The following RP1 variants were observed in gnomAD, a reference collection of about 807,000 sequenced individuals.
The protein encoded by RP1 is RP1 axonemal microtubule associated, also known as oxygen-regulated protein 1.
In RP1, 16 loss-of-function variants were observed where a neutral mutation model predicts 14.8. That is an observed-to-expected ratio of 1.08 (90% confidence interval 0.73 to 1.65). RP1 has a LOEUF of 1.65. Among genes scored for constraint, RP1 ranks in the 40% most tolerant of loss-of-function variants. RP1 has a pLI of 0.00. For synonymous variants in RP1, 876 were observed against 883.6 expected (o/e 0.99, Z 0.15); for missense variants, 2,631 against 2,535.0 (o/e 1.04, Z -0.81).
chr8:54,592,266 G>A (rs1033635194), intron 1 of RP1, among the ~76,000 whole-genome samples: 6 of 152,232 alleles, frequency 3.9e-5, no homozygotes, highest in African/African-American at 1.4e-4. Flanking sequence ...ACAGGTACTT[G>A]TGCAATTTGG....
At chr8:54,587,443 A>AG (rs1491452278) in intron 1 of RP1, among the ~76,000 whole-genome samples, 1 of 145,034 alleles carries the variant, frequency 6.9e-6, no homozygotes, top group Admixed American at 6.9e-5. Flanking sequence ...AAAAAAAAAA[A>AG]GAGAGAGAGA....
intron 1 of RP1, among the ~76,000 whole-genome samples, chr8:54,618,837 T>C (rs980573153): frequency 1.3e-5 from 2 of 152,148 alleles, no homozygotes; most frequent in African/African-American, 4.8e-5. Context: ...ATTTTTGTAT[T>C]TTTAGTAGAG....
intron 1 of RP1, among the ~76,000 whole-genome samples, chr8:54,570,383 C>T (rs535308128): frequency 6.6e-5 from 10 of 150,674 alleles, no homozygotes; most frequent in Admixed American, 1.3e-4. Context: ...GGCTGGAGTG[C>T]AGTGGTGTGA....
At chr8:54,751,125 C>T (rs867487272) in intron 19 of RP1, among the ~76,000 whole-genome samples, 28 of 152,318 alleles carry the variant, frequency 1.8e-4, no homozygotes, top group Admixed American at 2.6e-4. Flanking sequence ...ACTAACCCAC[C>T]GGAAGGAACC....
chr8:54,565,616 G>C (rs1236412929), intron 1 of RP1, among the ~76,000 whole-genome samples: 1 of 152,128 alleles, frequency 6.6e-6, no homozygotes, highest in East Asian at 1.9e-4. Context: ...GGCATGATGA[G>C]AGAAAATCCA....
At chr8:54,696,904 C>T (rs1225917213) in intron 12 of RP1, 22 of 802,480 alleles carry the variant, frequency 2.7e-5, no homozygotes, top group Non-Finnish European at 3.7e-5. Flanking sequence ...TTCTGACAGA[C>T]AACACAGTGA....
At chr8:54,656,042 G>A (rs768005218) in intron 5 of RP1, 1 of 1,404,054 alleles carries the variant, frequency 7.1e-7, no homozygotes, top group South Asian at 1.4e-5. Flanking sequence ...CTTTGATAAA[G>A]CATTCCTACA....
Position 54,626,388 on chromosome 8 carries a change from C to T in RP1, c.2506C>T (p.Pro836Ser). The T allele has an allele frequency of 1.9e-6, 3 of 1,613,218 alleles. No individual in the cohort carries two copies. Among genetic ancestry groups the T allele is most frequent in the Non-Finnish European group, 2.5e-6 (3 of 1,179,802 alleles). The change falls in exon 4 of 4, where the codon CCG (proline) becomes TCG (serine). Residue 836 changes from proline (P) to serine (S), a missense_variant. Coordinates refer to ENST00000220676, the MANE Select transcript of RP1 (RefSeq NM_006269.2). ...LEQKPKDFYA[P>S]QSQAEVASGY... is the part of the protein sequence containing the mutation. ...GCAAAAACCCAAAGATTTTTATGCA[C>T]CGCAATCTCAAGCAGAAGTGGCATC...
chr8:54,785,716 C>G (rs576312483), intron 24 of RP1, among the ~76,000 whole-genome samples: 1 of 152,030 alleles, frequency 6.6e-6, no homozygotes, highest in Non-Finnish European at 1.5e-5. Context: ...TTTTTTGATT[C>G]TAACCATCCT....
intron 23 of RP1, among the ~76,000 whole-genome samples, chr8:54,779,300 G>A (rs1213507926): frequency 6.6e-6 from 1 of 152,146 alleles, no homozygotes; most frequent in Non-Finnish European, 1.5e-5. Flanking sequence ...GCTGTCCAAT[G>A]AGGCAAAGCA....
chr8:54,601,708 A>G (rs1563322473), intron 1 of RP1, among the ~76,000 whole-genome samples: 3 of 152,316 alleles, frequency 2.0e-5, no homozygotes, highest in South Asian at 2.1e-4. Flanking sequence ...TGCTATTCAA[A>G]TGGTGAATGA....
intron 1 of RP1, among the ~76,000 whole-genome samples, chr8:54,604,672 C>T (rs1300020999): frequency 1.3e-5 from 2 of 152,212 alleles, no homozygotes; most frequent in African/African-American, 4.8e-5. Flanking sequence ...TGGTCCTGGA[C>T]TTTTTTTGGT....
At chr8:54,863,011 A>G (rs1222314623) in intron 27 of RP1, among the ~76,000 whole-genome samples, 1 of 145,344 alleles carries the variant, frequency 6.9e-6, no homozygotes, top group African/African-American at 2.5e-5. Flanking sequence ...CTTATTTAAG[A>G]AAGTCTTCTC....
Position 54,579,907 on chromosome 8 carries a change from C to T in RP1, c.-13+20587C>T, listed in dbSNP as rs1274259354. Reference sequence around the variant, plus strand: ...TCTCTCCAGGACTGGTAGAGGCAGCCTGTCTCCTGGGAGTGCAGTGCTCTG... The same window carrying T: ...TCTCTCCAGGACTGGTAGAGGCAGCTTGTCTCCTGGGAGTGCAGTGCTCTG... On this transcript the variant is annotated intron_variant, in intron 1 of 22. Coordinates refer to the RP1 transcript ENST00000636932. Among the ~76,000 whole-genome samples, 4 of 152,212 alleles carry T rather than the reference C, an allele frequency of 2.6e-5. No homozygotes were observed. The South Asian group carries it at 8.3e-4, about 31-fold the overall frequency.
chr8:54,690,626 A>G (rs745377105), intron 12 of RP1, among the ~76,000 whole-genome samples: 10 of 152,010 alleles, frequency 6.6e-5, no homozygotes, highest in African/African-American at 1.7e-4. Context: ...ATACATGTAC[A>G]TATTAATAGG....
Position 54,621,172 on chromosome 8 carries a change from A to T in RP1, c.206A>T (p.Asn69Ile), listed in dbSNP as rs1420378426. Residue 69 changes from asparagine to isoleucine, a missense_variant, in exon 2 of 4, where the codon AAC becomes ATC. Coordinates refer to ENST00000220676, the MANE Select transcript of RP1 (RefSeq NM_006269.2). ...SFKSFDALLD[N>I]LSRKVPLPFG... ...AAGTCCTTTGATGCTCTGCTGGATA[A>T]CTTGTCCAGGAAGGTGCCCCTCCCT... 6.2e-7 allele frequency: 1 copy of T among 1,614,032 alleles called. No homozygotes were observed. Among genetic ancestry groups the T allele is most frequent in the Non-Finnish European group, 8.5e-7 (1 of 1,180,008 alleles).
chr8:54,837,657 G>A, exon 25 of RP1: 15 of 1,230,168 alleles, frequency 1.2e-5, no homozygotes, highest in Non-Finnish European at 1.4e-5. Flanking sequence ...ACCAAAGAAA[G>A]CACCTTTGCC....
intron 17 of RP1, among the ~76,000 whole-genome samples, chr8:54,731,061 A>G (rs1808783269): frequency 6.6e-6 from 1 of 152,106 alleles, no homozygotes; most frequent in African/African-American, 2.4e-5. Context: ...AGGCTATAAA[A>G]TCTGTCCTTT....
chr8:54,863,214 A>T (rs566512909), intron 27 of RP1, among the ~76,000 whole-genome samples: 41 of 152,126 alleles, frequency 2.7e-4, no homozygotes, highest in African/African-American at 9.4e-4. Flanking sequence ...TTGCAGTGAA[A>T]CACATTACCT....
Sources: allele counts gnomAD v4.1 joint callset (sites outside exome capture counted in the v4.1 genomes callset), GRCh38; gene constraint gnomAD v4.1.1; transcripts MANE v1.5; gene names NCBI Gene and HGNC (gene_info 2026-07-23, HGNC 2026-07-21).